PTPRG: variants seen among roughly 807,000 people sequenced by gnomAD.
The protein encoded by PTPRG is receptor-type tyrosine-protein phosphatase gamma.
A neutral mutation model predicts 165.3 loss-of-function variants in PTPRG; 102 were observed. The ratio of observed to expected loss-of-function variants is 0.62; its 90% CI spans 0.53 to 0.73. PTPRG has a LOEUF of 0.73. Among genes scored for constraint, PTPRG ranks in the 30% least tolerant of loss-of-function variants. The pLI is 0.00. For synonymous variants in PTPRG, 675 were observed against 669.5 expected, an observed-to-expected ratio of 1.01 and a Z score of -0.13; for missense variants, 1,866 against 1,861.4, an observed-to-expected ratio of 1.00 and a Z score of -0.05.
chr3:62,170,255 A>G (rs1705166352), intron 8 of PTPRG, among the ~76,000 whole-genome samples: 1 of 152,148 alleles, frequency 6.6e-6, no homozygotes, highest in Admixed American at 6.6e-5. Context: ...CTAGTTAAAA[A>G]AAAATGAAGA....
chr3:62,201,654 CT>C, intron 11 of PTPRG, 100 bp downstream of exon 11: 1 of 1,157,880 alleles, frequency 8.6e-7, no homozygotes, highest in Non-Finnish European at 1.3e-6. Context: ...TGTTAAACTG[CT>C]CAGTGTAAAG....
intron 1 of PTPRG, among the ~76,000 whole-genome samples, chr3:61,703,019 T>TA (rs2031056473): frequency 6.6e-6 from 1 of 152,214 alleles, no homozygotes; most frequent in Non-Finnish European, 1.5e-5. Context: ...ATGTAATTCA[T>TA]ACGGTGGGTG....
At chr3:61,601,939 T>C (rs1700880057) in intron 1 of PTPRG, among the ~76,000 whole-genome samples, 1 of 152,208 alleles carries the variant, frequency 6.6e-6, no homozygotes. Flanking sequence ...TCATGCGTGG[T>C]TTCATTTGAA....
intron 26 of PTPRG, 127 bp downstream of exon 26, chr3:62,277,806 C>G: frequency 1.7e-6 from 2 of 1,185,104 alleles, no homozygotes; most frequent in Non-Finnish European, 2.3e-6. Flanking sequence ...TTTTTAAATT[C>G]TCATCTTGAA....
At chr3:61,718,924 A>G (rs2031933711) in intron 1 of PTPRG, among the ~76,000 whole-genome samples, 1 of 150,612 alleles carries the variant, frequency 6.6e-6, no homozygotes. Context: ...TTGAAAGGGG[A>G]TAAACAATCG....
intron 13 of PTPRG, among the ~76,000 whole-genome samples, chr3:62,226,250 C>G (rs1367435164): frequency 2.0e-5 from 3 of 152,178 alleles, no homozygotes; most frequent in African/African-American, 7.2e-5. Flanking sequence ...CCCTCCATAG[C>G]CTACTTTTAT....
chr3:61,575,667 C>T (rs1025154176), intron 1 of PTPRG, among the ~76,000 whole-genome samples: 31 of 135,890 alleles, frequency 2.3e-4, no homozygotes, highest in African/African-American at 6.9e-4. Flanking sequence ...GGCGCACTTT[C>T]GGCTCGCTGA....
At chr3:62,048,182 C>T (rs1171951746) in intron 4 of PTPRG, among the ~76,000 whole-genome samples, 2 of 151,368 alleles carry the variant, frequency 1.3e-5, no homozygotes, top group South Asian at 2.1e-4. Flanking sequence ...AAAAAGCCCA[C>T]TTAAAAAAAG....
intron 1 of PTPRG, among the ~76,000 whole-genome samples, chr3:61,611,502 C>T (rs1001399216): frequency 3.9e-5 from 6 of 152,058 alleles, no homozygotes; most frequent in Admixed American, 2.6e-4. Flanking sequence ...TTCTAGTAGA[C>T]TTTTTGGAGA....
chr3:61,938,021 C>G lies in PTPRG; in HGVS notation c.191-51604C>G, dbSNP rs186104813. 5.4e-3 allele frequency among the ~76,000 whole-genome samples: 825 copies of G among 151,470 alleles called. 9 individuals carry two copies. The highest frequency in any genetic ancestry group is 7.5e-3 in the Non-Finnish European group (509 of 67,942). ...TTTATTGGAATTTAAAACTATAATACCGACTTTTCCTTCAGTCTGGGCTTA... is the reference window on the plus strand; with the variant it reads ...TTTATTGGAATTTAAAACTATAATAGCGACTTTTCCTTCAGTCTGGGCTTA... On this transcript the variant is annotated intron_variant, in intron 2 of 29. Coordinates refer to ENST00000474889, the MANE Select transcript of PTPRG (RefSeq NM_002841.4).
Position 62,267,741 on chromosome 3 carries a change from T to G in PTPRG, c.2796T>G (p.Phe932Leu). ...CCCAAGGACCTTTGAAGTCTACATT[T>G]GAAGATTTCTGGAGGATGATTTGGG... ...IATQGPLKST[F>L]EDFWRMIWEQ... Residue 932 changes from phenylalanine (F) to leucine (L), a missense_variant, in exon 19 of 30, where the codon TTT (phenylalanine) becomes TTG (leucine). By Grantham distance (22) the Phe-to-Leu change is conservative. Transcript: ENST00000474889. The G allele has an allele frequency of 1.2e-6, 2 of 1,613,544 alleles. No homozygotes were observed. Among genetic ancestry groups the G allele is most frequent in the Non-Finnish European group, 1.7e-6 (2 of 1,179,522 alleles).
chr3:61,890,111 A>C (rs2107496848), intron 2 of PTPRG, among the ~76,000 whole-genome samples: 1 of 152,316 alleles, frequency 6.6e-6, no homozygotes, highest in East Asian at 1.9e-4. Context: ...CAGCTGTTGC[A>C]TTCTTTTTAG....
chr3:61,954,317 G>A (rs1371491091), intron 2 of PTPRG, among the ~76,000 whole-genome samples: 3 of 152,162 alleles, frequency 2.0e-5, no homozygotes, highest in South Asian at 4.1e-4. Flanking sequence ...GGTATTAGTG[G>A]TGGTGTGCTG....
intron 1 of PTPRG, among the ~76,000 whole-genome samples, chr3:61,689,602 T>A (rs1394616757): frequency 3.3e-5 from 5 of 152,220 alleles, no homozygotes; most frequent in Admixed American, 3.3e-4. Flanking sequence ...CCTTGGAAAT[T>A]GAGGCACTGA....
intron 5 of PTPRG, among the ~76,000 whole-genome samples, chr3:62,080,350 A>G (rs1159094792): frequency 6.6e-6 from 1 of 151,774 alleles, no homozygotes; most frequent in Admixed American, 6.6e-5. Flanking sequence ...TGCTGGGATT[A>G]CAGGTGTGAG....
At chr3:61,603,580 C>A (rs1239973081) in intron 1 of PTPRG, among the ~76,000 whole-genome samples, 1 of 152,196 alleles carries the variant, frequency 6.6e-6, no homozygotes, top group Admixed American at 6.5e-5. Context: ...GCTACCATTA[C>A]AAAATGCTAC....
intron 2 of PTPRG, among the ~76,000 whole-genome samples, chr3:61,822,558 C>T (rs1172519953): frequency 1.3e-5 from 2 of 152,144 alleles, no homozygotes; most frequent in African/African-American, 4.8e-5. Flanking sequence ...GGGATCTTTC[C>T]TGTTTGGAAA....
At chr3:62,029,630 A>G (rs1399315932) in intron 4 of PTPRG, among the ~76,000 whole-genome samples, 2 of 152,214 alleles carry the variant, frequency 1.3e-5, no homozygotes, top group East Asian at 1.9e-4. Flanking sequence ...CAAATTGACT[A>G]CAACATGGGT....
At chr3:61,989,110 A>T (rs536621826) in intron 2 of PTPRG, among the ~76,000 whole-genome samples, 4 of 152,204 alleles carry the variant, frequency 2.6e-5, no homozygotes, top group Non-Finnish European at 5.9e-5. Context: ...CAATTAGCCA[A>T]AGGAAAAACC....
Sources: allele counts gnomAD v4.1 joint callset (sites outside exome capture counted in the v4.1 genomes callset), GRCh38; gene constraint gnomAD v4.1.1; transcripts MANE v1.5; gene names NCBI Gene and HGNC (gene_info 2026-07-23, HGNC 2026-07-21).